SHISA9: variants seen among roughly 807,000 people sequenced by gnomAD.
The protein encoded by SHISA9 is protein shisa-9.
In SHISA9, 13 loss-of-function variants were observed where a neutral mutation model predicts 38.0. The ratio of observed to expected loss-of-function variants is 0.34; its 90% CI spans 0.22 to 0.54. The LOEUF is 0.54. Among genes scored for constraint, SHISA9 ranks in the 20% least tolerant of loss-of-function variants. SHISA9 has a pLI of 0.91. For synonymous variants in SHISA9, 275 were observed against 242.0 expected, an observed-to-expected ratio of 1.14 and a Z score of -1.27; for missense variants, 538 against 575.8, an observed-to-expected ratio of 0.93 and a Z score of 0.67.
the SHISA9 span, among the ~76,000 whole-genome samples, chr16:13,502,068 G>A: frequency 6.6e-6 from 1 of 151,862 alleles, no homozygotes; most frequent in East Asian, 1.9e-4. Context: ...AAGGATGGAA[G>A]GATGGATATA....
At chr16:13,222,335 C>A (rs447922) in intron 4 of SHISA9, among the ~76,000 whole-genome samples, 6 of 151,878 alleles carry the variant, frequency 4.0e-5, no homozygotes, top group Admixed American at 2.6e-4. Flanking sequence ...CACTCCAGGA[C>A]CCAGGTTCCT....
chr16:13,535,482 C>A, the SHISA9 span, among the ~76,000 whole-genome samples: 7 of 152,160 alleles, frequency 4.6e-5, no homozygotes, highest in African/African-American at 1.7e-4. Flanking sequence ...GCTCCTTGAG[C>A]CCAAGCCAGC....
At chr16:13,268,790 A>T in the SHISA9 span, among the ~76,000 whole-genome samples, 1 of 152,190 alleles carries the variant, frequency 6.6e-6, no homozygotes. Context: ...AATAAAAAGC[A>T]ATTCTTGGGG....
chr16:13,517,491 C>A, the SHISA9 span, among the ~76,000 whole-genome samples: 2 of 152,220 alleles, frequency 1.3e-5, no homozygotes, highest in Non-Finnish European at 2.9e-5. Flanking sequence ...AAAATCCTCA[C>A]AAATCCTTGT....
chr16:13,313,003 C>A, the SHISA9 span, among the ~76,000 whole-genome samples: 8 of 151,886 alleles, frequency 5.3e-5, no homozygotes, highest in African/African-American at 1.5e-4. Context: ...CGCCTGTAAT[C>A]CCAGCACTTT....
chr16:13,321,145 A>G, the SHISA9 span, among the ~76,000 whole-genome samples: 1 of 152,206 alleles, frequency 6.6e-6, no homozygotes, highest in Non-Finnish European at 1.5e-5. Context: ...CTGGAAATCC[A>G]CAATGAAGTT....
intron 2 of SHISA9, among the ~76,000 whole-genome samples, chr16:12,999,556 C>A (rs1408524856): frequency 3.3e-5 from 5 of 152,188 alleles, no homozygotes; most frequent in Non-Finnish European, 5.9e-5. Flanking sequence ...AAATACTCAG[C>A]TTTGCAAAGA....
At chr16:13,448,834 G>T in the SHISA9 span, among the ~76,000 whole-genome samples, 9 of 152,180 alleles carry the variant, frequency 5.9e-5, no homozygotes, top group Non-Finnish European at 1.2e-4. Context: ...TAAGTGTGTG[G>T]CTCCGTGGGT....
rs1336200394 is a variant in SHISA9 at position 13,239,588 on chromosome 16, T to C, written c.*4179T>C. The C allele has an allele frequency of 2.0e-5, 3 of 152,198 alleles. No individual in the cohort carries two copies. The highest frequency in any genetic ancestry group is 2.9e-5 in the Non-Finnish European group (2 of 68,032). The allele number at this position is 152,198 out of a possible 1,614,324, so 9.4% of individuals were successfully genotyped here. A position where few individuals can be genotyped will look rare whatever the true frequency, so the allele number is the denominator to read the frequency against. On this transcript the variant is annotated 3_prime_UTR_variant, in exon 5 of 5. Transcript: ENST00000558583. ...TGATTTGCATTTCTCTGATGGCCAG[T>C]GATGATGAGCATTTTTTCATGTGTC...
In SHISA9 at chr16:13,017,503, C is replaced by T. The variant is rs143088066; in HGVS notation, c.691+100688C>T. ...ATAGCTACTGGCTAAACTGGGATTC[C>T]CATTTAGATCTGTCTTATTGAAAGT... On this transcript the variant is annotated intron_variant, in intron 2 of 4. Coordinates refer to ENST00000558583, the MANE Select transcript of SHISA9 (RefSeq NM_001145204.3). Among the ~76,000 whole-genome samples, 3 of 152,240 alleles carry T rather than the reference C, an allele frequency of 2.0e-5. No homozygotes were observed. In the East Asian group the frequency reaches 5.8e-4, roughly 29 times the overall value.
At chr16:12,912,532 G>C (rs532509969) in intron 1 of SHISA9, among the ~76,000 whole-genome samples, 2 of 152,166 alleles carry the variant, frequency 1.3e-5, no homozygotes, top group Non-Finnish European at 2.9e-5. Context: ...TTTCTATGCA[G>C]TTTCAGAGGA....
rs546812122 is a variant in SHISA9 at position 13,187,369 on chromosome 16, C to G, written c.692-16025C>G. Reference sequence around the variant, plus strand: ...TTTTTTTTTGAGGCAGAGTCTTGCTCTATCACCCAGGCTGGAGTGCAGTGG... The same window carrying G: ...TTTTTTTTTGAGGCAGAGTCTTGCTGTATCACCCAGGCTGGAGTGCAGTGG... On this transcript the variant is annotated intron_variant, in intron 2 of 4. Transcript: ENST00000558583. Among the ~76,000 whole-genome samples, 3 of 126,010 alleles carry G rather than the reference C, an allele frequency of 2.4e-5. No individual in the cohort carries two copies. In the Admixed American group the frequency reaches 2.9e-4, roughly 12 times the overall value. 82.7% of individuals were successfully genotyped at this position (126,010 alleles called of 152,430 possible).
chr16:13,047,013 A>G (rs919823068), intron 2 of SHISA9, among the ~76,000 whole-genome samples: 5 of 152,092 alleles, frequency 3.3e-5, no homozygotes, highest in African/African-American at 1.2e-4. Context: ...AAGCCTGATA[A>G]ATCGTATTCA....
At chr16:12,913,304 C>T (rs2071210890) in intron 1 of SHISA9, among the ~76,000 whole-genome samples, 1 of 152,156 alleles carries the variant, frequency 6.6e-6, no homozygotes, top group Non-Finnish European at 1.5e-5. Flanking sequence ...TCAAGCAATT[C>T]TCCTGCCCCA....
At chr16:13,127,329 AGGGGTG>A (rs2050269859) in intron 2 of SHISA9, among the ~76,000 whole-genome samples, 1 of 119,852 alleles carries the variant, frequency 8.3e-6, no homozygotes, top group Non-Finnish European at 1.7e-5. Flanking sequence ...AGAGAGATGA[AGGGGTG>A]AGAGAGTGAG....
the SHISA9 span, among the ~76,000 whole-genome samples, chr16:13,441,460 C>G: frequency 1.3e-5 from 2 of 152,146 alleles, no homozygotes; most frequent in Non-Finnish European, 2.9e-5. Context: ...AGTGGCCAAC[C>G]TAGAGATCCA....
chr16:13,338,790 C>T, the SHISA9 span, among the ~76,000 whole-genome samples: 1 of 152,206 alleles, frequency 6.6e-6, no homozygotes, highest in South Asian at 2.1e-4. Flanking sequence ...GCTCTCCTGG[C>T]ACTTTGAATA....
intron 2 of SHISA9, among the ~76,000 whole-genome samples, chr16:13,088,654 T>C (rs888845331): frequency 6.6e-6 from 1 of 152,240 alleles, no homozygotes; most frequent in Non-Finnish European, 1.5e-5. Context: ...TTTTGCACAT[T>C]GATTTTGTAT....
At chr16:13,022,955 T>C (rs1481545415) in intron 2 of SHISA9, among the ~76,000 whole-genome samples, 2 of 152,226 alleles carry the variant, frequency 1.3e-5, no homozygotes, top group Non-Finnish European at 2.9e-5. Flanking sequence ...TCCAGGATGA[T>C]GTCATCTTGA....
Sources: gnomAD v4.1 joint callset for allele counts (sites outside exome capture counted in the v4.1 genomes callset) on GRCh38, gnomAD v4.1.1 for gene constraint, MANE v1.5 for transcripts, NCBI Gene and HGNC (gene_info 2026-07-23, HGNC 2026-07-21) for gene names.